The following JAK2 variants were observed in gnomAD, a reference collection of about 807,000 sequenced individuals.
The protein encoded by JAK2 is Janus kinase 2.
A neutral mutation model predicts 139.3 loss-of-function variants in JAK2; 86 were observed. The ratio of observed to expected loss-of-function variants is 0.62; its 90% CI spans 0.52 to 0.74. The LOEUF (loss-of-function observed/expected upper bound fraction) is 0.74. Among genes scored for constraint, JAK2 ranks in the 30% least tolerant of loss-of-function variants. The pLI, the probability that JAK2 is intolerant of heterozygous loss-of-function variation, is 0.00. For missense variants in JAK2, 1,421 were observed against 1,360.3 expected (o/e 1.04, Z -0.70); for synonymous variants, 490 against 437.7 (o/e 1.12, Z -1.49).
At chr9:5,078,534 T>C (rs1317860286) in intron 16 of JAK2, 90 bp downstream of exon 16, 4 of 960,208 alleles carry the variant, frequency 4.2e-6, no homozygotes, top group African/African-American at 1.7e-5. Context: ...TTGAATTCCA[T>C]TTAATTTGTA....
Position 5,123,054 on chromosome 9 carries a change from T to G in JAK2, c.3110T>G (p.Val1037Gly), listed in dbSNP as rs1823735564. 6.2e-7 allele frequency: 1 copy of G among 1,611,752 alleles called. No homozygotes were observed. The highest frequency in any genetic ancestry group is 8.5e-7 in the Non-Finnish European group (1 of 1,178,572). ...TESKFSVASDVWSFGVVLYEL... is the reference protein window; with the variant it reads ...TESKFSVASDGWSFGVVLYEL... ...AGCAAGTTTTCTGTGGCCTCAGATG[T>G]TTGGAGCTTTGGAGTGGTTCTGTAT... The change falls in exon 23 of 25, where the codon GTT becomes GGT. Residue 1037 changes from valine to glycine, a missense_variant. By Grantham distance (109) the Val-to-Gly change is moderately radical. Coordinates refer to ENST00000381652, the MANE Select transcript of JAK2 (RefSeq NM_004972.4).
chr9:5,091,448 A>G (rs1820565195), intron 22 of JAK2: 1 of 152,326 alleles, frequency 6.6e-6, no homozygotes, highest in Non-Finnish European at 1.5e-5. Context: ...GTTGATTTTA[A>G]TAGCATAGGG....
At chr9:5,087,067 C>T (rs1820177611) in intron 19 of JAK2, among the ~76,000 whole-genome samples, 1 of 152,140 alleles carries the variant, frequency 6.6e-6, no homozygotes, top group Non-Finnish European at 1.5e-5. Context: ...TTATTGTTTT[C>T]ATTGAAAATT....
At chr9:4,991,253 G>C (rs925557693) in intron 2 of JAK2, among the ~76,000 whole-genome samples, 3 of 152,172 alleles carry the variant, frequency 2.0e-5, no homozygotes, top group Non-Finnish European at 2.9e-5. Flanking sequence ...GGGTTAACTA[G>C]GTTAGAATGG....
chr9:5,090,413 A>G, intron 20 of JAK2, 33 bp from the exon 21 acceptor site: 1 of 1,462,218 alleles, frequency 6.8e-7, no homozygotes, highest in Non-Finnish European at 9.2e-7. Flanking sequence ...AATATGGCAG[A>G]GTAAAACATT....
chr9:5,102,990 C>T (rs187073576), intron 22 of JAK2, among the ~76,000 whole-genome samples: 469 of 151,984 alleles, frequency 3.1e-3, no homozygotes, highest in African/African-American at 0.01. Context: ...CATCAACTAA[C>T]GGGCAAAATA....
intron 22 of JAK2, chr9:5,114,089 C>A: frequency 2.9e-6 from 1 of 342,084 alleles, no homozygotes. Flanking sequence ...CCCAGAAGCG[C>A]TGGCTGCCCG....
chr9:5,040,431 A>G (rs764566734), intron 4 of JAK2, among the ~76,000 whole-genome samples: 2 of 152,216 alleles, frequency 1.3e-5, no homozygotes, highest in African/African-American at 4.8e-5. Context: ...AGCTCAAGTG[A>G]CAAAAGAAAA....
intron 2 of JAK2, among the ~76,000 whole-genome samples, chr9:4,999,968 T>C (rs1820835774): frequency 6.6e-6 from 1 of 152,206 alleles, no homozygotes; most frequent in Non-Finnish European, 1.5e-5. Context: ...TCTTCTTGTT[T>C]ACCAGTCAGC....
At chr9:5,055,812 A>G (rs781717276) in intron 8 of JAK2, 24 bp downstream of exon 8, 1 of 1,590,394 alleles carries the variant, frequency 6.3e-7, no homozygotes, top group Admixed American at 1.7e-5. Flanking sequence ...ATGATTGAAT[A>G]ATGGTTTCAT....
chr9:5,114,258 G>C (rs117200717), intron 22 of JAK2: 1 of 543,074 alleles, frequency 1.8e-6, no homozygotes, highest in African/African-American at 1.9e-5. Context: ...CACCTGTCTG[G>C]TGGTGGACCT....
intron 8 of JAK2, 60 bp from the exon 9 acceptor site, chr9:5,064,823 A>G: frequency 7.7e-7 from 1 of 1,299,028 alleles, no homozygotes; most frequent in Non-Finnish European, 1.0e-6. Context: ...AAAATTTTCA[A>G]TATTTAACAT....
intron 2 of JAK2, among the ~76,000 whole-genome samples, chr9:4,994,379 A>C (rs1437395436): frequency 1.3e-5 from 2 of 152,186 alleles, no homozygotes; most frequent in African/African-American, 2.4e-5. Flanking sequence ...ATTGAAACAC[A>C]AATTGCCGCT....
chr9:4,985,149 T>C (rs953329584), upstream of JAK2: 1 of 152,430 alleles, frequency 6.6e-6, no homozygotes, highest in African/African-American at 2.4e-5. Context: ...GCGAAGCCAG[T>C]GTCGCCCGCG....
intron 19 of JAK2, chr9:5,085,291 G>A (rs913680000): frequency 2.1e-5 from 15 of 715,648 alleles, no homozygotes; most frequent in Middle Eastern, 2.5e-4. Context: ...GCCTATGTTA[G>A]AACATGAGGT....
At chr9:5,063,701 T>C (rs10815149) in intron 8 of JAK2, among the ~76,000 whole-genome samples, 51,781 of 151,986 alleles carry the variant, frequency 0.34, 9,392 homozygotes, top group African/African-American at 0.48. Context: ...AAGAGTGTTT[T>C]GAAGTTTTTG....
intron 22 of JAK2, chr9:5,114,670 G>C (rs1822980637): frequency 2.3e-6 from 1 of 441,230 alleles, no homozygotes; most frequent in African/African-American, 2.0e-5. Flanking sequence ...AAGGGCTCTG[G>C]CGTCTTAGTC....
At chr9:5,025,030 C>T (rs1437201554) in intron 3 of JAK2, among the ~76,000 whole-genome samples, 1 of 152,178 alleles carries the variant, frequency 6.6e-6, no homozygotes, top group Admixed American at 6.5e-5. Context: ...CACAACTTTC[C>T]TGCCATTTTT....
intron 22 of JAK2, among the ~76,000 whole-genome samples, chr9:5,107,218 A>G (rs1300336601): frequency 3.3e-5 from 5 of 152,128 alleles, no homozygotes; most frequent in Admixed American, 3.3e-4. Flanking sequence ...TATCTGAAAG[A>G]TATTAAATAA....
Sources: allele counts gnomAD v4.1 joint callset (sites outside exome capture counted in the v4.1 genomes callset), GRCh38; gene constraint gnomAD v4.1.1; transcripts MANE v1.5; gene names NCBI Gene and HGNC (gene_info 2026-07-23, HGNC 2026-07-21).